Variants in THSD7B observed in about 807,000 individuals in gnomAD.
THSD7B encodes thrombospondin type 1 domain containing 7B.
Under a neutral mutation model 213.6 loss-of-function variants are expected in THSD7B, and 138 were observed. The ratio of observed to expected loss-of-function variants is 0.65; its 90% confidence interval spans 0.56 to 0.74. The LOEUF is 0.74. Among genes scored for constraint, THSD7B ranks in the 30% least tolerant of loss-of-function variants. THSD7B has a pLI of 0.00. For synonymous variants in THSD7B, 742 were observed against 687.0 expected, an observed-to-expected ratio of 1.08 and a Z score of -1.25; for missense variants, 1,931 against 1,991.5, an observed-to-expected ratio of 0.97 and a Z score of 0.58.
At chr2:137,155,798 A>G (rs1310444313) in intron 5 of THSD7B, among the ~76,000 whole-genome samples, 2 of 152,196 alleles carry the variant, frequency 1.3e-5, no homozygotes, top group Non-Finnish European at 2.9e-5. Context: ...AAAGTGTTAA[A>G]TTTATTTAAA....
At chr2:136,811,967 A>C (rs999576314) in intron 1 of THSD7B, among the ~76,000 whole-genome samples, 2 of 152,192 alleles carry the variant, frequency 1.3e-5, no homozygotes. Flanking sequence ...CTGAAGAACA[A>C]ATTCCTCTAA....
chr2:137,472,741 G>A (rs1032855062), intron 15 of THSD7B, among the ~76,000 whole-genome samples: 2 of 152,166 alleles, frequency 1.3e-5, no homozygotes, highest in African/African-American at 4.8e-5. Flanking sequence ...CAAATGATTG[G>A]TTTTGAGAGG....
intron 12 of THSD7B, among the ~76,000 whole-genome samples, chr2:137,391,968 G>A (rs534662500): frequency 8.5e-5 from 13 of 152,258 alleles, no homozygotes; most frequent in African/African-American, 2.9e-4. Context: ...TTTCAAAAAT[G>A]GTTTAAGTTT....
intron 7 of THSD7B, among the ~76,000 whole-genome samples, chr2:137,182,138 T>C (rs1331207754): frequency 2.0e-5 from 3 of 152,106 alleles, no homozygotes; most frequent in African/African-American, 7.2e-5. Context: ...TATGAGAAGA[T>C]AATATGAAAG....
At position 137,093,751 on chromosome 2, in the gene THSD7B, T is replaced by C. The variant is rs200134528; in HGVS notation, c.951-1122T>C. ...TTGGGCTGGTCACATTATCACATTATCTTTTTTTTTAATTTTATTATTAGT... is the reference window on the plus strand; with the variant it reads ...TTGGGCTGGTCACATTATCACATTACCTTTTTTTTTAATTTTATTATTAGT... On this transcript the variant is annotated intron_variant, in intron 3 of 27. Transcript: ENST00000409968. Among the ~76,000 whole-genome samples the C allele has an allele frequency of 1.1e-4, 17 of 151,812 alleles. No individual in the cohort carries two copies. The East Asian group carries it at 3.1e-3, about 28-fold the overall frequency.
chr2:137,191,164 T>C (rs1206397228), intron 7 of THSD7B, among the ~76,000 whole-genome samples: 1 of 152,198 alleles, frequency 6.6e-6, no homozygotes, highest in Non-Finnish European at 1.5e-5. Flanking sequence ...TTCCTGAGAA[T>C]GGCAAGCAGG....
At chr2:137,572,003 G>A (rs199688229) in intron 16 of THSD7B, among the ~76,000 whole-genome samples, 10 of 151,436 alleles carry the variant, frequency 6.6e-5, no homozygotes, top group African/African-American at 2.5e-4. Context: ...AAGTAGGAAG[G>A]TTCTAGCTAT....
At chr2:137,398,723 C>T (rs961972391) in intron 12 of THSD7B, among the ~76,000 whole-genome samples, 12 of 152,324 alleles carry the variant, frequency 7.9e-5, no homozygotes, top group African/African-American at 2.6e-4. Flanking sequence ...CTTTGTTTAC[C>T]TAATCAAGCC....
chr2:137,306,518 A>G (rs1477512912), intron 12 of THSD7B, among the ~76,000 whole-genome samples: 1 of 152,108 alleles, frequency 6.6e-6, no homozygotes, highest in Admixed American at 6.6e-5. Context: ...TATCATCACC[A>G]TCATCATTAT....
Position 137,645,936 on chromosome 2 carries a change from T to G in THSD7B, c.3945+3303T>G, listed in dbSNP as rs188090695. 5.7e-3 allele frequency among the ~76,000 whole-genome samples: 863 copies of G among 152,264 alleles called. 4 individuals carry two copies. Among genetic ancestry groups the G allele is most frequent in the African/African-American group, 0.019 (802 of 41,562 alleles). On this transcript the variant is annotated intron_variant, in intron 21 of 27. Coordinates refer to ENST00000409968, the MANE Select transcript of THSD7B (RefSeq NM_001316349.2). ...TGTTTTTCACTCTAGGAAATAAACA[T>G]TTACTAGAATATTTGCTTTGAATAA...
intron 12 of THSD7B, among the ~76,000 whole-genome samples, chr2:137,393,674 C>G (rs1029230404): frequency 7.1e-6 from 1 of 141,632 alleles, no homozygotes; most frequent in African/African-American, 2.6e-5. Context: ...GGGTATATAC[C>G]CAGTAATGGG....
intron 3 of THSD7B, among the ~76,000 whole-genome samples, chr2:137,073,044 A>G (rs1210620114): frequency 1.3e-5 from 2 of 152,112 alleles, no homozygotes; most frequent in African/African-American, 4.8e-5. Flanking sequence ...ATGTTCATCA[A>G]GGATATTGGT....
At chr2:136,861,414 T>C (rs994855408) in intron 1 of THSD7B, among the ~76,000 whole-genome samples, 1 of 152,246 alleles carries the variant, frequency 6.6e-6, no homozygotes, top group Non-Finnish European at 1.5e-5. Context: ...TTAAGATATT[T>C]TGTCTCACTT....
At chr2:137,427,799 T>C (rs1177778507) in intron 14 of THSD7B, among the ~76,000 whole-genome samples, 2 of 152,134 alleles carry the variant, frequency 1.3e-5, no homozygotes, top group Admixed American at 6.5e-5. Flanking sequence ...TAATAGTATA[T>C]ACTTGAAATT....
chr2:137,336,583 T>C (rs1246831251), intron 12 of THSD7B, among the ~76,000 whole-genome samples: 1 of 152,142 alleles, frequency 6.6e-6, no homozygotes, highest in African/African-American at 2.4e-5. Context: ...ACTCAGCAGA[T>C]CAGTTGCAAT....
intron 2 of THSD7B, among the ~76,000 whole-genome samples, chr2:136,891,103 T>A (rs1683848450): frequency 6.6e-6 from 1 of 152,084 alleles, no homozygotes; most frequent in Admixed American, 6.5e-5. Flanking sequence ...TGTTCTATGA[T>A]TTTTTTAAAT....
In THSD7B at chr2:137,250,591, C is replaced by T. The variant is rs572283464; in HGVS notation, c.2266+8019C>T. On this transcript the variant is annotated intron_variant, in intron 10 of 27. Coordinates refer to ENST00000409968, the MANE Select transcript of THSD7B (RefSeq NM_001316349.2). ...TCCTAAGCTCTTAACCACTTAACAA[C>T]AAATATTTGCTGAATGATCCTGCGT... Among the ~76,000 whole-genome samples, 44 of 152,302 alleles carry T rather than the reference C, an allele frequency of 2.9e-4. 1 individual carries two copies. The highest frequency in any genetic ancestry group is 3.4e-3 in the Middle Eastern group (1 of 294).
intron 14 of THSD7B, among the ~76,000 whole-genome samples, chr2:137,441,907 T>A (rs575068395): frequency 6.6e-6 from 1 of 152,222 alleles, no homozygotes; most frequent in Non-Finnish European, 1.5e-5. Context: ...CCCAAAAACA[T>A]AATAATGAAA....
At chr2:137,485,503 G>A (rs994382642) in intron 15 of THSD7B, among the ~76,000 whole-genome samples, 19 of 152,104 alleles carry the variant, frequency 1.2e-4, no homozygotes, top group African/African-American at 1.9e-4. Flanking sequence ...TTGGCGATGC[G>A]GGCCAAATCT....
Sources: gnomAD v4.1 joint callset for allele counts (sites outside exome capture counted in the v4.1 genomes callset) on GRCh38, gnomAD v4.1.1 for gene constraint, MANE v1.5 for transcripts, NCBI Gene and HGNC (gene_info 2026-07-23, HGNC 2026-07-21) for gene names.